Variants in TMEM182 observed in about 807,000 individuals in gnomAD.
TMEM182 encodes the protein transmembrane protein 182.
Under a neutral mutation model 26.8 loss-of-function variants are expected in TMEM182, and 20 were observed. The ratio of observed to expected loss-of-function variants is 0.75; its 90% CI spans 0.53 to 1.09. The LOEUF is 1.09. Ranked by LOEUF, TMEM182 falls within the 50% of genes least tolerant of loss-of-function variation. The pLI is 0.00. For missense variants in TMEM182, 277 were observed against 275.5 expected (o/e 1.01, Z -0.04); for synonymous variants, 109 against 102.2 (o/e 1.07, Z -0.40).
intron 3 of TMEM182, among the ~76,000 whole-genome samples, chr2:102,835,752 G>T (rs1294652622): frequency 1.3e-5 from 2 of 151,598 alleles, no homozygotes; most frequent in South Asian, 2.1e-4. Flanking sequence ...CAACATGCAG[G>T]TTTCTTACAT....
upstream of TMEM182, chr2:102,757,673 C>T (rs1680085320): frequency 6.6e-6 from 1 of 152,192 alleles, no homozygotes; most frequent in Admixed American, 6.5e-5. Flanking sequence ...GATGCTTATT[C>T]TTGTGGCCCT....
chr2:102,818,420 A>T (rs1411204323), downstream of TMEM182, among the ~76,000 whole-genome samples: 1 of 152,202 alleles, frequency 6.6e-6, no homozygotes, highest in African/African-American at 2.4e-5. Context: ...CAGGGAAGAT[A>T]GGAAAGAAAG....
At chr2:102,830,498 G>A (rs1445307769) in intron 3 of TMEM182, among the ~76,000 whole-genome samples, 4 of 151,896 alleles carry the variant, frequency 2.6e-5, no homozygotes, top group Non-Finnish European at 5.9e-5. Flanking sequence ...TGAATTCCAA[G>A]TGCTTTTTTT....
chr2:102,758,480 T>C (rs952163172), upstream of TMEM182: 3 of 717,194 alleles, frequency 4.2e-6, no homozygotes, highest in Admixed American at 6.0e-5. Flanking sequence ...CATGGTAAGC[T>C]CCATTTCATG....
intron 3 of TMEM182, among the ~76,000 whole-genome samples, chr2:102,828,630 G>C (rs573482752): frequency 1.3e-3 from 198 of 152,306 alleles, no homozygotes; most frequent in African/African-American, 4.6e-3. Flanking sequence ...GTCTCTGACA[G>C]TTTGCCCATG....
At chr2:102,804,381 C>T (rs991264830) in intron 4 of TMEM182, among the ~76,000 whole-genome samples, 1 of 152,122 alleles carries the variant, frequency 6.6e-6, no homozygotes, top group African/African-American at 2.4e-5. Context: ...CATAGCTTAG[C>T]TTGCATATAT....
At chr2:102,784,238 A>G (rs1218664617) in intron 3 of TMEM182, among the ~76,000 whole-genome samples, 1 of 152,234 alleles carries the variant, frequency 6.6e-6, no homozygotes, top group East Asian at 1.9e-4. Context: ...ACTAGTTTAC[A>G]GAAAGTATTG....
intron 1 of TMEM182, among the ~76,000 whole-genome samples, chr2:102,743,979 T>G (rs1236522682): frequency 2.0e-5 from 3 of 152,174 alleles, no homozygotes; most frequent in Admixed American, 6.5e-5. Flanking sequence ...TTCAAAGAGA[T>G]GTAGACAAAT....
intron 3 of TMEM182, among the ~76,000 whole-genome samples, chr2:102,830,054 G>A (rs1683120852): frequency 6.6e-6 from 1 of 152,176 alleles, no homozygotes; most frequent in Non-Finnish European, 1.5e-5. Flanking sequence ...TGTGTTTGTT[G>A]AGATGTTAGT....
downstream of TMEM182, among the ~76,000 whole-genome samples, chr2:102,821,479 C>G (rs1053354391): frequency 3.9e-5 from 6 of 152,168 alleles, no homozygotes; most frequent in African/African-American, 1.4e-4. Flanking sequence ...CATGCCTGCT[C>G]CCTCTTTGCC....
At chr2:102,782,309 A>T (rs902844078) in intron 3 of TMEM182, among the ~76,000 whole-genome samples, 24 of 33,224 alleles carry the variant, frequency 7.2e-4, no homozygotes, top group African/African-American at 4.1e-3. Flanking sequence ...CTGGGTGACA[A>T]GAGTAAAACT....
rs183748203 is a variant in TMEM182 at position 102,816,606 on chromosome 2, T to C, written c.*1638T>C. The stretch of plus-strand genomic sequence containing the variant: ...TTTCAGTGATATCATTGAAACGTTT[T>C]TGTGGTACTTCCCTTTGTCTTTCAC... On this transcript the variant is annotated 3_prime_UTR_variant, in exon 5 of 5. Transcript: ENST00000412401. 192 of 984,918 alleles carry C rather than the reference T, an allele frequency of 1.9e-4. No individual in the cohort carries two copies. In the Admixed American group the frequency reaches 5.6e-3, roughly 29 times the overall value. The allele number at this position is 984,918 out of a possible 1,614,324, so 61.0% of individuals were successfully genotyped here.
intron 3 of TMEM182, among the ~76,000 whole-genome samples, chr2:102,786,505 G>A (rs900989183): frequency 2.0e-5 from 3 of 152,116 alleles, no homozygotes; most frequent in Admixed American, 1.3e-4. Context: ...GAGCCACCGC[G>A]TCCAGCCTGA....
At position 102,827,972 on chromosome 2, in the gene TMEM182, T is replaced by C. The variant is rs185983921; in HGVS notation, c.326-15440T>C. On this transcript the variant is annotated intron_variant, in intron 3 of 3. Coordinates refer to the TMEM182 transcript ENST00000486293. ...CGGGTGTGATTGTGGGCGCCTGTAA[T>C]CCCAGCTGCTTGGGAGGCTGAGGCA... Among the ~76,000 whole-genome samples, 210 of 152,226 alleles carry C rather than the reference T, an allele frequency of 1.4e-3. 2 individuals are homozygous for C. Among genetic ancestry groups the C allele is most frequent in the African/African-American group, 4.9e-3 (205 of 41,540 alleles).
At chr2:102,778,308 A>G (rs1365913505) in intron 3 of TMEM182, among the ~76,000 whole-genome samples, 2 of 151,900 alleles carry the variant, frequency 1.3e-5, no homozygotes, top group Non-Finnish European at 2.9e-5. Context: ...TCTTATATTA[A>G]TATAGTGACT....
intron 1 of TMEM182, among the ~76,000 whole-genome samples, chr2:102,757,030 C>G (rs966031446): frequency 1.3e-5 from 2 of 152,038 alleles, no homozygotes; most frequent in Non-Finnish European, 2.9e-5. Flanking sequence ...CAGGCTGGTC[C>G]TGAACTCCTG....
chr2:102,759,934 G>A (rs1270128230), upstream of TMEM182, among the ~76,000 whole-genome samples: 1 of 152,164 alleles, frequency 6.6e-6, no homozygotes, highest in Non-Finnish European at 1.5e-5. Flanking sequence ...GGGTTTTCAT[G>A]TAAGGTTTCC....
chr2:102,739,086 T>C (rs1056788658), intron 1 of TMEM182, among the ~76,000 whole-genome samples: 3 of 152,200 alleles, frequency 2.0e-5, no homozygotes, highest in Non-Finnish European at 4.4e-5. Context: ...AGGCCAGGTA[T>C]AGCCATAGAG....
chr2:102,762,403 A>C, intron 1 of TMEM182, 54 bp downstream of exon 1: 1 of 1,605,772 alleles, frequency 6.2e-7, no homozygotes, highest in African/African-American at 1.3e-5. Context: ...AGATACCCTT[A>C]TGTATGCTCT....
Sources: gnomAD v4.1 joint callset for allele counts (sites outside exome capture counted in the v4.1 genomes callset) on GRCh38, gnomAD v4.1.1 for gene constraint, MANE v1.5 for transcripts, NCBI Gene and HGNC (gene_info 2026-07-23, HGNC 2026-07-21) for gene names.